Variants in APMAP observed in about 807,000 individuals in gnomAD.
APMAP encodes the protein adipocyte plasma membrane associated protein, also known as adipocyte plasma membrane-associated protein.
In APMAP, 33 loss-of-function variants were observed where a neutral mutation model predicts 43.6. The ratio of observed to expected loss-of-function variants is 0.76; its 90% confidence interval spans 0.57 to 1.01. The LOEUF is 1.01. Among genes scored for constraint, APMAP ranks in the 50% least tolerant of loss-of-function variants. The probability of loss-of-function intolerance (pLI) is 0.00; values close to 1 mark genes in which losing one functional copy is unlikely to be tolerated. For synonymous variants in APMAP, 224 were observed against 216.7 expected (o/e 1.03, Z -0.30); for missense variants, 498 against 540.7 (o/e 0.92, Z 0.78).
At chr20:24,975,337 G>A (rs1011884092) in intron 3 of APMAP, among the ~76,000 whole-genome samples, 4 of 152,190 alleles carry the variant, frequency 2.6e-5, no homozygotes, top group Non-Finnish European at 5.9e-5. Flanking sequence ...TAGCATGGTT[G>A]CAGGATATTG....
At chr20:24,976,390 G>A (rs2088050388) in intron 3 of APMAP, among the ~76,000 whole-genome samples, 1 of 152,150 alleles carries the variant, frequency 6.6e-6, no homozygotes, top group Non-Finnish European at 1.5e-5. Context: ...CAAAAGGCCT[G>A]AACAGACACA....
At chr20:24,969,710 A>T (rs1448664384) in intron 6 of APMAP, 50 bp from the exon 7 acceptor site, 2 of 1,572,346 alleles carry the variant, frequency 1.3e-6, no homozygotes, top group Admixed American at 3.4e-5. Context: ...CCTGGCTCCC[A>T]CTCTGGGCCT....
intron 1 of APMAP, among the ~76,000 whole-genome samples, chr20:24,991,108 C>A (rs949084485): frequency 1.3e-5 from 2 of 152,176 alleles, no homozygotes; most frequent in African/African-American, 4.8e-5. Context: ...GTGAGCCAGC[C>A]AACTTGAGAG....
intron 6 of APMAP, 99 bp from the exon 7 acceptor site, chr20:24,969,759 C>G: frequency 6.9e-7 from 1 of 1,453,364 alleles, no homozygotes; most frequent in Non-Finnish European, 9.2e-7. Flanking sequence ...CCGCCTCACC[C>G]CGGAGCAACA....
intron 8 of APMAP, among the ~76,000 whole-genome samples, chr20:24,968,028 G>T (rs2087961231): frequency 6.6e-6 from 1 of 152,220 alleles, no homozygotes; most frequent in South Asian, 2.1e-4. Flanking sequence ...TCAGCCCCAG[G>T]ACCATAAGCT....
At chr20:24,966,915 C>A (rs528880381) in intron 8 of APMAP, among the ~76,000 whole-genome samples, 1 of 152,224 alleles carries the variant, frequency 6.6e-6, no homozygotes, top group South Asian at 2.1e-4. Context: ...TTAGGCCAGC[C>A]GCTAACTCGG....
At chr20:24,983,101 C>T (rs992686972) in intron 2 of APMAP, among the ~76,000 whole-genome samples, 5 of 152,234 alleles carry the variant, frequency 3.3e-5, no homozygotes, top group Admixed American at 2.0e-4. Flanking sequence ...AGGTCAGAAC[C>T]GTGTCCTCTA....
chr20:24,987,234 T>C (rs578020100), intron 1 of APMAP, among the ~76,000 whole-genome samples: 77 of 152,368 alleles, frequency 5.1e-4, no homozygotes, highest in African/African-American at 1.8e-3. Context: ...GTGATCCTCC[T>C]GTCTCAGCCT....
In APMAP at chr20:24,963,787, G is replaced by A. The variant is rs201276168; in HGVS notation, c.*26C>T. 53 of 1,609,714 alleles carry A rather than the reference G, an allele frequency of 3.3e-5. 1 individual carries two copies. Among genetic ancestry groups the A allele is most frequent in the East Asian group, 3.1e-4 (14 of 44,806 alleles). ...CTGAGTGTGAAGACTCCTGGCCTGC[G>A]TGGCAGGGGCAGCTATCTGGGAGGG... On this transcript the variant is annotated 3_prime_UTR_variant, in exon 9 of 9. Coordinates refer to ENST00000217456, the MANE Select transcript of APMAP (RefSeq NM_020531.3).
intron 2 of APMAP, among the ~76,000 whole-genome samples, chr20:24,982,534 C>T (rs779133846): frequency 3.5e-4 from 53 of 152,208 alleles, no homozygotes; most frequent in Non-Finnish European, 7.2e-4. Flanking sequence ...TTTCCCAATG[C>T]ATTTCTTCAC....
chr20:24,969,174 AAT>A, intron 7 of APMAP, 90 bp from the exon 8 acceptor site: 4 of 1,263,960 alleles, frequency 3.2e-6, no homozygotes, highest in Non-Finnish European at 4.3e-6. Context: ...TCTTGGTCCA[AAT>A]ATATATATGG....
chr20:24,978,562 C>A (rs919974233), intron 3 of APMAP, among the ~76,000 whole-genome samples: 1 of 152,194 alleles, frequency 6.6e-6, no homozygotes, highest in African/African-American at 2.4e-5. Context: ...AAATGGCATG[C>A]AAACTGGGCA....
Position 24,992,626 on chromosome 20 carries a change from A to C in APMAP, c.63T>G (p.Asp21Glu), listed in dbSNP as rs375975491. ...CCTTAGCCTCCGGGGCCTGGCCATC[A>C]TCGTCTGTGACGACCTGCGGCCGCA... is the stretch of plus-strand genomic sequence containing the variant. ...RPLRPQVVTDDDGQAPEAKDG... is the reference protein window; with the variant it reads ...RPLRPQVVTDEDGQAPEAKDG... The change falls in exon 1 of 9, where the codon GAT becomes GAG. Residue 21 changes from aspartate (D) to glutamate (E), a missense_variant. Coordinates refer to ENST00000217456, the MANE Select transcript of APMAP (RefSeq NM_020531.3). 5.0e-5 allele frequency: 78 copies of C among 1,571,230 alleles called. No homozygotes were observed. The highest frequency in any genetic ancestry group is 1.8e-5 in the Admixed American group (1 of 55,762).
At chr20:24,969,468 AC>A (rs1290180886) in intron 7 of APMAP, 57 bp downstream of exon 7, 4 of 1,547,324 alleles carry the variant, frequency 2.6e-6, no homozygotes, top group Non-Finnish European at 8.8e-7. Flanking sequence ...TGCCCACCCC[AC>A]CCCGGCCATG....
Position 24,971,635 on chromosome 20 carries a change from T to C in APMAP, c.422-59A>G, listed in dbSNP as rs112348078. Reference sequence around the variant, plus strand: ...GTCCCGGATTCTACATGTGCTGTTCTCAGTATCCAAGCATCTCATCCATCC... The same window carrying C: ...GTCCCGGATTCTACATGTGCTGTTCCCAGTATCCAAGCATCTCATCCATCC... On this transcript the variant is annotated intron_variant, in intron 4 of 8. Coordinates refer to ENST00000217456, the MANE Select transcript of APMAP (RefSeq NM_020531.3). 97 of 1,371,218 alleles carry C rather than the reference T, an allele frequency of 7.1e-5. No individual in the cohort carries two copies. The African/African-American group carries it at 1.2e-3, about 17-fold the overall frequency. 84.9% of individuals were successfully genotyped at this position (1,371,218 alleles called of 1,614,324 possible).
At chr20:24,979,638 C>T (rs886979289) in intron 2 of APMAP, among the ~76,000 whole-genome samples, 6 of 152,180 alleles carry the variant, frequency 3.9e-5, no homozygotes, top group Admixed American at 6.5e-5. Context: ...CCTCTCGCCT[C>T]GCCCCTGCTC....
Position 24,968,901 on chromosome 20 carries a change from C to T in APMAP, c.1032G>A (p.Met344Ile). The change falls in exon 8 of 9, where the codon ATG becomes ATA. Residue 344 changes from methionine to isoleucine, a missense_variant. Transcript: ENST00000217456. ...FLSERPWIKRMIFKLFSQETV... is the reference protein window; with the variant it reads ...FLSERPWIKRIIFKLFSQETV... ...CAGTTTTCACAGTTACCTTAAAAATCATCCTTTTAATCCAGGGTCTCTCAG... is the reference window on the plus strand; with the variant it reads ...CAGTTTTCACAGTTACCTTAAAAATTATCCTTTTAATCCAGGGTCTCTCAG... 6.3e-7 allele frequency: 1 copy of T among 1,586,834 alleles called. No homozygotes were observed. Among genetic ancestry groups the T allele is most frequent in the Non-Finnish European group, 8.6e-7 (1 of 1,168,964 alleles).
chr20:24,970,207 C>T lies in APMAP; in HGVS notation c.703G>A (p.Asp235Asn). ...GGAGCAAGGCCTCACCGCCCGTCAT[C>T]TGTGCCCTCCATCACCAGAAGCAGG... is the stretch of plus-strand genomic sequence containing the variant. ...DYLLLVMEGT[D>N]DGRLLEYDTV... Residue 235 changes from aspartate (D) to asparagine (N), a missense_variant, in exon 6 of 9, where the codon GAT becomes AAT. Asp to Asn is a conservative substitution (Grantham distance 23, BLOSUM62 1). Transcript: ENST00000217456. 1.2e-6 allele frequency: 2 copies of T among 1,614,178 alleles called. No homozygotes were observed. Among genetic ancestry groups the T allele is most frequent in the Non-Finnish European group, 1.7e-6 (2 of 1,180,026 alleles).
chr20:24,977,760 G>T (rs561695959), intron 3 of APMAP, among the ~76,000 whole-genome samples: 44 of 152,298 alleles, frequency 2.9e-4, no homozygotes, highest in African/African-American at 9.9e-4. Context: ...GTTTTAAAGA[G>T]CAAGATTTGA....
Sources: gnomAD v4.1 joint callset for allele counts (sites outside exome capture counted in the v4.1 genomes callset) on GRCh38, gnomAD v4.1.1 for gene constraint, MANE v1.5 for transcripts, NCBI Gene and HGNC (gene_info 2026-07-23, HGNC 2026-07-21) for gene names.